ALDH1L1: variants seen among roughly 807,000 people sequenced by gnomAD.
ALDH1L1 encodes the protein aldehyde dehydrogenase 1 family member L1.
In ALDH1L1, 68 loss-of-function variants were observed where a neutral mutation model predicts 101.1. The ratio of observed to expected loss-of-function variants is 0.67; its 90% CI spans 0.55 to 0.82. The LOEUF (loss-of-function observed/expected upper bound fraction) is 0.82. ALDH1L1 is among the 40% of genes least tolerant of loss of function. The probability of loss-of-function intolerance (pLI) is 0.00; values close to 1 mark genes in which losing one functional copy is unlikely to be tolerated. For missense variants in ALDH1L1, 1,087 were observed against 1,172.7 expected, an observed-to-expected ratio of 0.93 and a Z score of 1.07; for synonymous variants, 486 against 470.8, an observed-to-expected ratio of 1.03 and a Z score of -0.42.
intron 7 of ALDH1L1, chr3:126,152,510 T>C (rs1030078314): frequency 2.6e-5 from 4 of 152,402 alleles, no homozygotes; most frequent in African/African-American, 9.7e-5. Context: ...CAGGGGAGCA[T>C]GGCAGACTGG....
chr3:126,124,418 G>A lies in ALDH1L1; in HGVS notation c.1834C>T (p.Leu612=). The A allele has an allele frequency of 1.2e-6, 2 of 1,612,572 alleles. No individual in the cohort carries two copies. Among genetic ancestry groups the A allele is most frequent in the Non-Finnish European group, 1.7e-6 (2 of 1,179,376 alleles). Residue 612 remains leucine, a synonymous_variant, in exon 16 of 23, where the codon CTG becomes TTG. Coordinates refer to ENST00000393434, the MANE Select transcript of ALDH1L1 (RefSeq NM_012190.4). ...TTGGGAATGCCGGCCTTTAATGTCAGCTCTGCAAACTTCAAGGCTGTGAGT... is the reference window on the plus strand; with the variant it reads ...TTGGGAATGCCGGCCTTTAATGTCAACTCTGCAAACTTCAAGGCTGTGAGT... ...TPLTALKFAE[L]TLKAGIPKGV... is the part of the protein sequence containing the mutation.
chr3:126,158,614 C>T lies in ALDH1L1; in HGVS notation c.153G>A (p.Val51=). The T allele has an allele frequency of 1.2e-6, 2 of 1,613,348 alleles. No individual in the cohort carries two copies. Among genetic ancestry groups the T allele is most frequent in the Non-Finnish European group, 1.7e-6 (2 of 1,179,294 alleles). Residue 51 remains valine, a synonymous_variant, in exon 3 of 23, where the codon GTG becomes GTA. Coordinates refer to ENST00000393434, the MANE Select transcript of ALDH1L1 (RefSeq NM_012190.4). ...GCCACCGGGAGTACTTGAATACCGG[C>T]ACTCCATCCTTCTCAGCTTCCAGAC... is the stretch of plus-strand genomic sequence containing the variant. ...PLGLEAEKDG[V]PVFKYSRWRA...
chr3:126,163,322 C>T lies in ALDH1L1; in HGVS notation c.-23-2320G>A, dbSNP rs139593349. On this transcript the variant is annotated intron_variant, in intron 1 of 22. Transcript: ENST00000393434. Reference sequence around the variant, plus strand: ...GTATTAACTAGCACCTTAATTGCTTCACATATAAATTTTCATACTGTGTAG... The same window carrying T: ...GTATTAACTAGCACCTTAATTGCTTTACATATAAATTTTCATACTGTGTAG... Among the ~76,000 whole-genome samples the T allele has an allele frequency of 1.0e-3, 154 of 152,302 alleles. No homozygotes were observed. The East Asian group carries it at 0.011, about 11-fold the overall frequency.
chr3:126,107,397 G>C (rs549407557), intron 20 of ALDH1L1, 151 bp from the exon 21 acceptor site: 1 of 636,190 alleles, frequency 1.6e-6, no homozygotes, highest in Non-Finnish European at 2.8e-6. Context: ...GTGTCACCAC[G>C]CTGCAGATGG....
chr3:126,118,607 A>T (rs975882333), intron 16 of ALDH1L1, among the ~76,000 whole-genome samples: 12 of 152,018 alleles, frequency 7.9e-5, no homozygotes, highest in Non-Finnish European at 4.4e-5. Context: ...GAGCTTTGAC[A>T]TGGTAGCCCA....
intron 14 of ALDH1L1, 38 bp from the exon 15 acceptor site, chr3:126,125,759 C>T (rs367724875): frequency 9.1e-6 from 13 of 1,424,246 alleles, no homozygotes; most frequent in Non-Finnish European, 1.2e-5. Flanking sequence ...TCCTTCTTCT[C>T]CACCAGGCCC....
intron 1 of ALDH1L1, among the ~76,000 whole-genome samples, chr3:126,187,122 A>G (rs908950737): frequency 6.6e-6 from 1 of 152,164 alleles, no homozygotes; most frequent in African/African-American, 2.4e-5. Flanking sequence ...AGAGAAGGTC[A>G]TGGTGGGAAC....
intron 9 of ALDH1L1, among the ~76,000 whole-genome samples, chr3:126,139,159 A>G (rs1458617404): frequency 6.6e-6 from 1 of 152,248 alleles, no homozygotes; most frequent in East Asian, 1.9e-4. Flanking sequence ...CTGAGAAGCT[A>G]TCACAAAGGC....
intron 1 of ALDH1L1, among the ~76,000 whole-genome samples, chr3:126,196,754 G>A (rs1422251768): frequency 6.6e-6 from 1 of 152,178 alleles, no homozygotes; most frequent in African/African-American, 2.4e-5. Flanking sequence ...GGTTGTTCAT[G>A]GATGGGAAGA....
intron 9 of ALDH1L1, among the ~76,000 whole-genome samples, chr3:126,138,563 T>C (rs1258923059): frequency 6.6e-6 from 1 of 152,114 alleles, no homozygotes; most frequent in Non-Finnish European, 1.5e-5. Flanking sequence ...GAAATGCAAA[T>C]TAAAACCACA....
chr3:126,157,433 C>T lies in ALDH1L1; in HGVS notation c.438G>A (p.Leu146=), dbSNP rs745430993. The part of the protein sequence containing the change: ...WADDGLDTGD[L]LLQKECEVLP... ...GCACCTCACACTCCTTCTGCAGCAG[C>T]AGGTCTCCGGTGTCCAGACCATCAT... Residue 146 remains leucine (L), a synonymous_variant, in exon 4 of 23, where the codon CTG becomes CTA. Transcript: ENST00000393434. The T allele has an allele frequency of 6.2e-7, 1 of 1,614,062 alleles. No individual in the cohort carries two copies. Among genetic ancestry groups the T allele is most frequent in the African/African-American group, 1.3e-5 (1 of 74,934 alleles).
chr3:126,112,895 CAAG>C lies in ALDH1L1; in HGVS notation c.2083-18_2083-16del. 6.2e-7 allele frequency: 1 copy of C among 1,610,600 alleles called. No homozygotes were observed. Among genetic ancestry groups the C allele is most frequent in the Non-Finnish European group, 8.5e-7 (1 of 1,178,524 alleles). ...GAACTCATCCCCTTCAGAGAATGGA[CAAG>C]AACACCAGGTCACTGCTCCTCCTGG... is the stretch of plus-strand genomic sequence containing the variant. On this transcript the variant is annotated splice_polypyrimidine_tract_variant and intron_variant, in intron 18 of 22. Coordinates refer to ENST00000393434, the MANE Select transcript of ALDH1L1 (RefSeq NM_012190.4).
chr3:126,127,224 T>C (rs1327984445), intron 14 of ALDH1L1, among the ~76,000 whole-genome samples: 1 of 152,154 alleles, frequency 6.6e-6, no homozygotes, highest in Non-Finnish European at 1.5e-5. Context: ...GAGCTGGCCC[T>C]GGCACGGGGT....
chr3:126,143,961 T>C (rs6791054), intron 9 of ALDH1L1, among the ~76,000 whole-genome samples: 101,977 of 152,050 alleles, frequency 0.67, 35,800 homozygotes, highest in African/African-American at 0.9. Flanking sequence ...AAAAGAAAAC[T>C]TTAAATATTC....
chr3:126,185,719 A>C (rs749376154), upstream of ALDH1L1, among the ~76,000 whole-genome samples: 2 of 152,174 alleles, frequency 1.3e-5, no homozygotes, highest in Non-Finnish European at 2.9e-5. Context: ...TCTGTTGTCC[A>C]GTGGTAACAA....
chr3:126,108,846 C>T (rs900619322), intron 20 of ALDH1L1, among the ~76,000 whole-genome samples: 3 of 152,198 alleles, frequency 2.0e-5, no homozygotes, highest in Admixed American at 6.5e-5. Context: ...TGAAGGACTC[C>T]GGCTGTGAGG....
At chr3:126,155,350 AC>A in intron 5 of ALDH1L1, 51 bp downstream of exon 5, 3 of 1,542,640 alleles carry the variant, frequency 1.9e-6, no homozygotes, top group Non-Finnish European at 2.7e-6. Context: ...GCCCTCTACA[AC>A]CCCAGTCTGC....
At chr3:126,113,100 G>A (rs970689760) in intron 18 of ALDH1L1, among the ~76,000 whole-genome samples, 14 of 152,210 alleles carry the variant, frequency 9.2e-5, no homozygotes, top group African/African-American at 3.4e-4. Context: ...GTGACAGAGA[G>A]ACACCACGCC....
In ALDH1L1 at chr3:126,105,793, C is replaced by G. The variant is rs767390342; in HGVS notation, c.2586G>C (p.Thr862=). 2 of 1,614,104 alleles carry G rather than the reference C, an allele frequency of 1.2e-6. No homozygotes were observed. The stretch of plus-strand genomic sequence containing the variant: ...GAGCGGCCACGTCGGTCTTGTTGTA[C>G]GTGTTGACAAACACAGTGCCTGCCT... The part of the protein sequence containing the change: ...KLQAGTVFVN[T]YNKTDVAAPF... The change falls in exon 22 of 23, where the codon ACG becomes ACC. Residue 862 remains threonine (T), a synonymous_variant. Coordinates refer to ENST00000393434, the MANE Select transcript of ALDH1L1 (RefSeq NM_012190.4).
Sources: gnomAD v4.1 joint callset for allele counts (sites outside exome capture counted in the v4.1 genomes callset) on GRCh38, gnomAD v4.1.1 for gene constraint, MANE v1.5 for transcripts, NCBI Gene and HGNC (gene_info 2026-07-23, HGNC 2026-07-21) for gene names.